The following UBE2E2 variants were observed in gnomAD, a reference collection of about 807,000 sequenced individuals.
UBE2E2 encodes the protein ubiquitin-conjugating enzyme E2 E2.
In UBE2E2, 6 loss-of-function variants were observed where a neutral mutation model predicts 24.7. The observed-to-expected ratio is 0.24, with a 90% CI of 0.13 to 0.48. The LOEUF (loss-of-function observed/expected upper bound fraction) is 0.48. Ranked by LOEUF, UBE2E2 falls within the 20% of genes least tolerant of loss-of-function variation. The pLI is 0.99. For missense variants in UBE2E2, 169 were observed against 245.0 expected (o/e 0.69, Z 2.07); for synonymous variants, 104 against 83.6 (o/e 1.24, Z -1.33).
intron 3 of UBE2E2, among the ~76,000 whole-genome samples, chr3:23,259,686 ATAT>A (rs1697845328): frequency 6.6e-6 from 1 of 152,178 alleles, no homozygotes; most frequent in Admixed American, 6.6e-5. Context: ...ACCTTACATC[ATAT>A]ATACCCTGTG....
At chr3:23,239,927 T>C (rs1697213958) in intron 3 of UBE2E2, among the ~76,000 whole-genome samples, 1 of 152,208 alleles carries the variant, frequency 6.6e-6, no homozygotes, top group Non-Finnish European at 1.5e-5. Context: ...GATTTATTCC[T>C]CTTTTAAAGT....
At chr3:23,459,937 T>C (rs977031219) in intron 3 of UBE2E2, among the ~76,000 whole-genome samples, 5 of 152,210 alleles carry the variant, frequency 3.3e-5, no homozygotes, top group Admixed American at 3.3e-4. Context: ...AGTTCTCTTA[T>C]GGTTAACTAA....
intron 3 of UBE2E2, among the ~76,000 whole-genome samples, chr3:23,223,482 G>A (rs769420943): frequency 3.9e-5 from 6 of 152,000 alleles, no homozygotes; most frequent in Admixed American, 6.6e-5. Context: ...CGTGAGCTGC[G>A]CTTGGCCCTT....
intron 3 of UBE2E2, among the ~76,000 whole-genome samples, chr3:23,230,330 T>C (rs1275161685): frequency 6.6e-6 from 1 of 152,210 alleles, no homozygotes; most frequent in South Asian, 2.1e-4. Context: ...CTCAAGGATG[T>C]GGAGTTTAAA....
At chr3:23,568,860 G>T (rs1696154469) in intron 5 of UBE2E2, among the ~76,000 whole-genome samples, 1 of 151,752 alleles carries the variant, frequency 6.6e-6, no homozygotes, top group South Asian at 2.1e-4. Flanking sequence ...TGGTGAGGAA[G>T]TGGAGAATTA....
At chr3:23,437,584 G>A (rs1040828314) in intron 3 of UBE2E2, among the ~76,000 whole-genome samples, 9 of 152,160 alleles carry the variant, frequency 5.9e-5, no homozygotes, top group African/African-American at 1.2e-4. Context: ...AGTGTAAAAC[G>A]TAAGTACTAT....
chr3:23,252,559 C>A (rs555050216), intron 3 of UBE2E2, among the ~76,000 whole-genome samples: 1 of 152,112 alleles, frequency 6.6e-6, no homozygotes, highest in South Asian at 2.1e-4. Flanking sequence ...TGCAGTAGCA[C>A]GATCTCAGCT....
At chr3:23,214,645 G>T (rs1350532134) in intron 2 of UBE2E2, among the ~76,000 whole-genome samples, 1 of 151,696 alleles carries the variant, frequency 6.6e-6, no homozygotes, top group Non-Finnish European at 1.5e-5. Flanking sequence ...AAATTGCAAA[G>T]AAGTTTTTTT....
chr3:23,337,411 T>TA (rs1333078816), intron 3 of UBE2E2, among the ~76,000 whole-genome samples: 1 of 152,178 alleles, frequency 6.6e-6, no homozygotes, highest in Non-Finnish European at 1.5e-5. Flanking sequence ...CACTGGGATG[T>TA]AACAGTGTGC....
chr3:23,478,149 T>C (rs1041184206), intron 3 of UBE2E2, among the ~76,000 whole-genome samples: 1 of 152,240 alleles, frequency 6.6e-6, no homozygotes, highest in African/African-American at 2.4e-5. Flanking sequence ...GTCAGTTCTT[T>C]ATGAATTCAT....
At chr3:23,525,297 T>C (rs1468138162) in intron 4 of UBE2E2, among the ~76,000 whole-genome samples, 3 of 152,156 alleles carry the variant, frequency 2.0e-5, no homozygotes, top group Non-Finnish European at 4.4e-5. Flanking sequence ...GTTCCAGGAA[T>C]TAGGATGTGG....
At chr3:23,575,599 A>T (rs1696329980) in intron 5 of UBE2E2, among the ~76,000 whole-genome samples, 1 of 152,184 alleles carries the variant, frequency 6.6e-6, no homozygotes, top group African/African-American at 2.4e-5. Context: ...GTACAACGAC[A>T]GATTATTTTT....
intron 2 of UBE2E2, among the ~76,000 whole-genome samples, 165 bp from the exon 3 acceptor site, chr3:23,217,097 A>C (rs1696495794): frequency 2.0e-5 from 3 of 152,160 alleles, no homozygotes; most frequent in African/African-American, 7.2e-5. Context: ...AAACCCTGGC[A>C]GAAATTGCAA....
rs58629417 is a variant in UBE2E2, at chr3:23,396,331, G to GTATATA, written c.228-103268_228-103263dup. On this transcript the variant is annotated intron_variant, in intron 3 of 5. Transcript: ENST00000396703. ...TATATATATATATGTATATATATAC[G>GTATATA]TATATATATATATAGCATTTTATTT... Among the ~76,000 whole-genome samples the GTATATA allele has an allele frequency of 6.3e-3, 900 of 143,052 alleles. 6 individuals carry two copies. The highest frequency in any genetic ancestry group is 0.039 in the East Asian group (198 of 5,018). 93.8% of individuals were successfully genotyped at this position (143,052 alleles called of 152,430 possible).
intron 4 of UBE2E2, among the ~76,000 whole-genome samples, chr3:23,518,661 G>A (rs1559409326): frequency 1.3e-5 from 2 of 152,166 alleles, no homozygotes; most frequent in South Asian, 2.1e-4. Flanking sequence ...TGGGTTCCAG[G>A]AAGTGGTGCA....
At chr3:23,458,429 T>TGTGGTG (rs1698731479) in intron 3 of UBE2E2, among the ~76,000 whole-genome samples, 1 of 73,164 alleles carries the variant, frequency 1.4e-5, no homozygotes, top group Admixed American at 1.0e-4. Context: ...TGGTGGTGGT[T>TGTGGTG]GTTGTTGTTT....
At chr3:23,387,451 G>C (rs1264100512) in intron 3 of UBE2E2, among the ~76,000 whole-genome samples, 4 of 152,118 alleles carry the variant, frequency 2.6e-5, no homozygotes, top group African/African-American at 9.7e-5. Context: ...TAAGTGCTAT[G>C]ATTGTGATTC....
chr3:23,356,389 G>A (rs1007424443), intron 3 of UBE2E2, among the ~76,000 whole-genome samples: 6 of 152,308 alleles, frequency 3.9e-5, no homozygotes, highest in African/African-American at 1.2e-4. Context: ...TAAATCTGCA[G>A]TTAGGCAGTG....
intron 4 of UBE2E2, among the ~76,000 whole-genome samples, chr3:23,511,934 G>A (rs1694602914): frequency 6.6e-6 from 1 of 152,140 alleles, no homozygotes. Context: ...GCCTTCTGCA[G>A]GGCAATGGAC....
Sources: allele counts gnomAD v4.1 joint callset (sites outside exome capture counted in the v4.1 genomes callset), GRCh38; gene constraint gnomAD v4.1.1; transcripts MANE v1.5; gene names NCBI Gene and HGNC (gene_info 2026-07-23, HGNC 2026-07-21).